The following C5orf63 variants were observed in gnomAD, a reference collection of about 807,000 sequenced individuals.
The protein encoded by C5orf63 is glutaredoxin-like protein C5orf63.
A neutral mutation model predicts 13.3 loss-of-function variants in C5orf63; 18 were observed. The ratio of observed to expected loss-of-function variants is 1.36; its 90% CI spans 0.94 to 2.01. The LOEUF (loss-of-function observed/expected upper bound fraction) is 2.01, where lower values mean the gene tolerates loss of function less well. C5orf63 is among the 30% of genes most tolerant of loss of function. C5orf63 has a pLI of 0.00. For synonymous variants in C5orf63, 38 were observed against 44.7 expected, an observed-to-expected ratio of 0.85 and a Z score of 0.60; for missense variants, 118 against 127.7, an observed-to-expected ratio of 0.92 and a Z score of 0.36.
chr5:127,060,265 G>T (rs1348152996), intron 2 of C5orf63, among the ~76,000 whole-genome samples: 6 of 152,138 alleles, frequency 3.9e-5, no homozygotes, highest in Non-Finnish European at 7.4e-5. Flanking sequence ...TTCAAAAGGA[G>T]ATCATCATAA....
At chr5:127,072,787 G>A (rs1187237252) in intron 1 of C5orf63, among the ~76,000 whole-genome samples, 1 of 152,150 alleles carries the variant, frequency 6.6e-6, no homozygotes, top group Non-Finnish European at 1.5e-5. Context: ...ATTTTAGTGG[G>A]GACTTTTCTA....
At chr5:127,057,700 T>C (rs890916156) in intron 3 of C5orf63, among the ~76,000 whole-genome samples, 15 of 152,260 alleles carry the variant, frequency 9.9e-5, no homozygotes, top group Non-Finnish European at 2.1e-4. Flanking sequence ...ACCCAAAGCA[T>C]TCATTCTAAG....
At chr5:127,053,360 ATTTAT>A (rs142046063) in intron 3 of C5orf63, among the ~76,000 whole-genome samples, 6,445 of 151,860 alleles carry the variant, frequency 0.042, 389 homozygotes, top group African/African-American at 0.14. Flanking sequence ...GGCAGATTTT[ATTTAT>A]TTTATTTTAT....
At chr5:127,061,898 G>T (rs1248514235) in intron 2 of C5orf63, among the ~76,000 whole-genome samples, 1 of 152,196 alleles carries the variant, frequency 6.6e-6, no homozygotes, top group Non-Finnish European at 1.5e-5. Context: ...AAAGGTCCCT[G>T]GAAATGAGGA....
chr5:127,059,279 G>T (rs1452289008), intron 2 of C5orf63, among the ~76,000 whole-genome samples: 1 of 152,144 alleles, frequency 6.6e-6, no homozygotes, highest in African/African-American at 2.4e-5. Flanking sequence ...AACTGCATGG[G>T]TTTGTTAATT....
chr5:127,064,074 T>C (rs1754222020), intron 2 of C5orf63, among the ~76,000 whole-genome samples: 1 of 152,108 alleles, frequency 6.6e-6, no homozygotes, highest in South Asian at 2.1e-4. Context: ...CAGTCATTGG[T>C]GTCCAAACCT....
rs1753664999 is a variant in C5orf63, at chr5:127,051,321, C to T, written c.*450G>A. 2.4e-6 allele frequency: 3 copies of T among 1,230,548 alleles called. No individual in the cohort carries two copies. Among genetic ancestry groups the T allele is most frequent in the Non-Finnish European group, 2.0e-6 (2 of 987,274 alleles). 76.2% of individuals were successfully genotyped at this position (1,230,548 alleles called of 1,614,324 possible). On this transcript the variant is annotated 3_prime_UTR_variant, in exon 5 of 5. Transcript: ENST00000296662. ...TGCAGATGTATTCCTTAAAACATCG[C>T]TTTATTGACCGTGCACAGTTATTAA...
Position 127,052,602 on chromosome 5 carries a change from T to G in C5orf63, c.171+11A>C. On this transcript the variant is annotated intron_variant, in intron 4 of 4. Coordinates refer to ENST00000296662, the MANE Select transcript of C5orf63 (RefSeq NM_001164478.2). Reference sequence around the variant, plus strand: ...ATCCATATACATAAAAGCCACACTGTATTATATTACCCTGTTTTCATAAGG... The same window carrying G: ...ATCCATATACATAAAAGCCACACTGGATTATATTACCCTGTTTTCATAAGG... 6.7e-7 allele frequency: 1 copy of G among 1,482,090 alleles called. No homozygotes were observed. Among genetic ancestry groups the G allele is most frequent in the Non-Finnish European group, 8.9e-7 (1 of 1,124,296 alleles). The allele number at this position is 1,482,090 out of a possible 1,614,324, so 91.8% of individuals were successfully genotyped here.
intron 2 of C5orf63, among the ~76,000 whole-genome samples, chr5:127,067,064 A>C (rs1246205781): frequency 6.6e-6 from 1 of 152,234 alleles, no homozygotes; most frequent in Non-Finnish European, 1.5e-5. Context: ...TCTTTCAACC[A>C]ATGCCTACTC....
At chr5:127,047,557 C>G, downstream of C5orf63, 1 of 602,242 alleles carries the variant, frequency 1.7e-6, no homozygotes. Flanking sequence ...TATTGAAGAG[C>G]TATAGGTTAA....
At chr5:127,062,941 T>C (rs546276856) in intron 2 of C5orf63, among the ~76,000 whole-genome samples, 127 of 151,812 alleles carry the variant, frequency 8.4e-4, no homozygotes, top group African/African-American at 2.9e-3. Context: ...GCCTCTATGA[T>C]ATGAGCAAAA....
At chr5:127,073,411 C>G (rs1204325572) in intron 1 of C5orf63, 40 bp downstream of exon 1, 1 of 152,294 alleles carries the variant, frequency 6.6e-6, no homozygotes, top group Admixed American at 6.5e-5. Context: ...GGCGGAGACC[C>G]GCGAGCGCTC....
At chr5:127,066,260 T>A (rs377691092) in intron 2 of C5orf63, among the ~76,000 whole-genome samples, 2 of 152,052 alleles carry the variant, frequency 1.3e-5, no homozygotes, top group African/African-American at 4.8e-5. Flanking sequence ...AGAATTGAGA[T>A]TTTATTCTAA....
chr5:127,060,482 GA>G (rs1175032690), intron 2 of C5orf63, among the ~76,000 whole-genome samples: 1 of 152,154 alleles, frequency 6.6e-6, no homozygotes, highest in African/African-American at 2.4e-5. Context: ...GTTTTGTCCT[GA>G]AAACTGTAAA....
At chr5:127,050,059 C>A (rs1753619928), downstream of C5orf63, among the ~76,000 whole-genome samples, 1 of 152,232 alleles carries the variant, frequency 6.6e-6, no homozygotes, top group African/African-American at 2.4e-5. Context: ...TCTCTACTTT[C>A]CTCTTTATAA....
chr5:127,053,045 G>C (rs186043459), intron 3 of C5orf63, among the ~76,000 whole-genome samples: 9 of 152,184 alleles, frequency 5.9e-5, no homozygotes, highest in Admixed American at 3.3e-4. Flanking sequence ...CTGACACCAC[G>C]AGGATGGCTT....
At chr5:127,047,341 C>A (rs1753540938), downstream of C5orf63, 1 of 185,696 alleles carries the variant, frequency 5.4e-6, no homozygotes, top group Non-Finnish European at 1.1e-5. Flanking sequence ...ATTGCTGCTA[C>A]AAACATCACA....
chr5:127,055,144 G>A (rs1753828787), intron 3 of C5orf63, among the ~76,000 whole-genome samples: 1 of 152,098 alleles, frequency 6.6e-6, no homozygotes, highest in African/African-American at 2.4e-5. Context: ...CTGTAGGCTT[G>A]GAAGAAGAAT....
At chr5:127,050,074 C>T (rs1753620345), downstream of C5orf63, among the ~76,000 whole-genome samples, 2 of 152,172 alleles carry the variant, frequency 1.3e-5, no homozygotes, top group Non-Finnish European at 2.9e-5. Flanking sequence ...TTATAACTAA[C>T]CAGAGAGAAT....
Sources: gnomAD v4.1 joint callset for allele counts (sites outside exome capture counted in the v4.1 genomes callset) on GRCh38, gnomAD v4.1.1 for gene constraint, MANE v1.5 for transcripts, NCBI Gene and HGNC (gene_info 2026-07-23, HGNC 2026-07-21) for gene names.